Variants in ANKRD30B observed in about 807,000 individuals in gnomAD.
ANKRD30B encodes the protein ankyrin repeat domain-containing protein 30B.
Under a neutral mutation model 202.2 loss-of-function variants are expected in ANKRD30B, and 144 were observed. The ratio of observed to expected loss-of-function variants is 0.71; its 90% CI spans 0.62 to 0.82. ANKRD30B has a LOEUF of 0.82. ANKRD30B is among the 40% of genes least tolerant of loss of function. The pLI is 0.00. For missense variants in ANKRD30B, 1,487 were observed against 1,669.1 expected (o/e 0.89, Z 1.90); for synonymous variants, 508 against 561.3 (o/e 0.91, Z 1.34).
chr18:14,748,377 G>A lies in ANKRD30B; in HGVS notation c.-43G>A, dbSNP rs116697719. Reference sequence around the variant, plus strand: ...GGCGAGGGGTAGGGGCTGGGGAAGGGCGAGCGGGAGGCGCGGGCTCTCTCT... The same window carrying A: ...GGCGAGGGGTAGGGGCTGGGGAAGGACGAGCGGGAGGCGCGGGCTCTCTCT... On this transcript the variant is annotated 5_prime_UTR_variant, in exon 1 of 44. Transcript: ENST00000690538. 3,313 of 1,409,276 alleles carry A rather than the reference G, an allele frequency of 2.4e-3. 59 individuals are homozygous for A. In the African/African-American group the frequency reaches 0.044, roughly 19 times the overall value. The allele number at this position is 1,409,276 out of a possible 1,614,324, so 87.3% of individuals were successfully genotyped here.
chr18:14,919,064 A>G, the ANKRD30B span, among the ~76,000 whole-genome samples: 1 of 152,204 alleles, frequency 6.6e-6, no homozygotes, highest in African/African-American at 2.4e-5. Context: ...CCTTGTGTTT[A>G]TTAGAAATTA....
intron 7 of ANKRD30B, among the ~76,000 whole-genome samples, chr18:14,767,317 T>C (rs1160331848): frequency 6.6e-6 from 1 of 152,196 alleles, no homozygotes; most frequent in Non-Finnish European, 1.5e-5. Flanking sequence ...AAACTGTGAA[T>C]AGTATGAAAC....
chr18:14,878,137 C>G, the ANKRD30B span, among the ~76,000 whole-genome samples: 4 of 152,250 alleles, frequency 2.6e-5, no homozygotes, highest in Non-Finnish European at 4.4e-5. Flanking sequence ...CCGAGATGCT[C>G]GTGTGCTGTG....
chr18:14,795,815 A>C (rs2143960872), intron 16 of ANKRD30B, among the ~76,000 whole-genome samples: 1 of 152,086 alleles, frequency 6.6e-6, no homozygotes, highest in Non-Finnish European at 1.5e-5. Flanking sequence ...GTGTTTCCTT[A>C]ACAATATGCC....
At chr18:14,807,299 T>G (rs1359318461) in intron 24 of ANKRD30B, among the ~76,000 whole-genome samples, 1 of 151,104 alleles carries the variant, frequency 6.6e-6, no homozygotes, top group Non-Finnish European at 1.5e-5. Flanking sequence ...AATGTCTGTT[T>G]TTTTCTTGAA....
rs1224303075 is a variant in ANKRD30B, at chr18:14,769,328, T to G, written c.1226-15T>G. Reference sequence around the variant, plus strand: ...ATTTGTTAATTTAATGTATTTTACTTTTTTTCTTTAATAGTGGATGTGAGT... The same window carrying G: ...ATTTGTTAATTTAATGTATTTTACTGTTTTTCTTTAATAGTGGATGTGAGT... On this transcript the variant is annotated splice_polypyrimidine_tract_variant and intron_variant, in intron 7 of 43. Transcript: ENST00000690538. 5 of 1,531,146 alleles carry G rather than the reference T, an allele frequency of 3.3e-6. No individual in the cohort carries two copies. Among genetic ancestry groups the G allele is most frequent in the Non-Finnish European group, 4.4e-6 (5 of 1,134,418 alleles). 94.8% of individuals were successfully genotyped at this position (1,531,146 alleles called of 1,614,324 possible).
In ANKRD30B at chr18:14,766,472, C is replaced by CAAAA. The variant is rs1168681924; in HGVS notation, c.1225+2404_1225+2407dup. Among the ~76,000 whole-genome samples, 41 of 55,594 alleles carry CAAAA rather than the reference C, an allele frequency of 7.4e-4. 1 individual carries two copies. Among genetic ancestry groups the CAAAA allele is most frequent in the East Asian group, 2.3e-3 (3 of 1,288 alleles). 36.5% of individuals were successfully genotyped at this position (55,594 alleles called of 152,430 possible). On this transcript the variant is annotated intron_variant, in intron 7 of 43. Coordinates refer to ENST00000690538, the MANE Select transcript of ANKRD30B (RefSeq NM_001367607.2). ...TGGGTGACAGAGCGAGACTCCATCT[C>CAAAA]AAAAAAAAAAAAAAAAAAAAAAAAA...
chr18:14,835,279 A>C (rs1971123095), intron 34 of ANKRD30B, among the ~76,000 whole-genome samples: 1 of 151,726 alleles, frequency 6.6e-6, no homozygotes, highest in African/African-American at 2.4e-5. Flanking sequence ...TAATGGTATT[A>C]TATACACACA....
chr18:14,771,245 G>C (rs1047063642), intron 8 of ANKRD30B, among the ~76,000 whole-genome samples: 2 of 152,112 alleles, frequency 1.3e-5, no homozygotes, highest in Non-Finnish European at 2.9e-5. Flanking sequence ...CTGCCATGAA[G>C]CCCTGCAGAA....
chr18:14,872,434 A>G, the ANKRD30B span, among the ~76,000 whole-genome samples: 1 of 152,174 alleles, frequency 6.6e-6, no homozygotes, highest in Admixed American at 6.5e-5. Flanking sequence ...TGCATGCAGC[A>G]CTGGGAAGAG....
At chr18:14,894,553 C>CA in the ANKRD30B span, among the ~76,000 whole-genome samples, 10 of 150,434 alleles carry the variant, frequency 6.6e-5, no homozygotes, top group African/African-American at 2.2e-4. Flanking sequence ...TTTCAAGTTG[C>CA]AAAAAAAAGT....
chr18:14,768,856 G>A (rs556340498), intron 7 of ANKRD30B, among the ~76,000 whole-genome samples: 1 of 152,126 alleles, frequency 6.6e-6, no homozygotes, highest in Non-Finnish European at 1.5e-5. Context: ...CCGTCTTACA[G>A]GATTCTGTTT....
Position 14,852,397 on chromosome 18 carries a change from G to T in ANKRD30B, c.4453G>T (p.Glu1485Ter), listed in dbSNP as rs545325038. Residue 1485 changes from glutamate to a stop codon, truncating the protein, a stop_gained, in exon 42 of 44, where the codon GAA (glutamate) becomes TAA (stop). Coordinates refer to ENST00000690538, the MANE Select transcript of ANKRD30B (RefSeq NM_001367607.2). LOFTEE classifies it high-confidence loss of function. ...NHLKERIDQY[E>*]KEKAEREVIV... ...TTTAAAAGAACGTATAGATCAATAT[G>T]AAAAAGAGAAAGCAGAAAGAGAAGT... 1.3e-6 allele frequency: 2 copies of T among 1,515,174 alleles called. No individual in the cohort carries two copies. The highest frequency in any genetic ancestry group is 1.4e-5 in the African/African-American group (1 of 70,748). The allele number at this position is 1,515,174 out of a possible 1,614,324, so 93.9% of individuals were successfully genotyped here.
At chr18:14,849,982 T>C (rs1307598462) in intron 40 of ANKRD30B, among the ~76,000 whole-genome samples, 2 of 151,666 alleles carry the variant, frequency 1.3e-5, no homozygotes, top group African/African-American at 2.4e-5. Context: ...TCAAAGTTAC[T>C]AGTAACAGAA....
At chr18:14,826,461 A>G (rs773965206) in intron 32 of ANKRD30B, among the ~76,000 whole-genome samples, 6 of 152,160 alleles carry the variant, frequency 3.9e-5, no homozygotes, top group Admixed American at 2.0e-4. Context: ...CTGGAGTCCA[A>G]GAGGAAATCT....
chr18:14,881,760 T>C, the ANKRD30B span, among the ~76,000 whole-genome samples: 1 of 152,016 alleles, frequency 6.6e-6, no homozygotes, highest in African/African-American at 2.4e-5. Flanking sequence ...AATTTTAAAA[T>C]TACCATTTCA....
At chr18:14,769,290 A>G (rs1598591392) in intron 7 of ANKRD30B, 53 bp from the exon 8 acceptor site, 1 of 1,334,840 alleles carries the variant, frequency 7.5e-7, no homozygotes, top group East Asian at 2.6e-5. Context: ...AATACTCTGT[A>G]TTTTCTATTT....
At position 14,837,649 on chromosome 18, in the gene ANKRD30B, A is replaced by C; in HGVS notation, c.2961A>C (p.Glu987Asp). The change falls in exon 36 of 44, where the codon GAA becomes GAC. Residue 987 changes from glutamate to aspartate, a missense_variant. Physicochemically the swap from Glu to Asp is conservative, Grantham distance 45. Around this residue, in one of 6 missense-constraint regions of ANKRD30B, gnomAD observed 218 missense variants for 320.1 expected, o/e 0.68. Coordinates refer to ENST00000690538, the MANE Select transcript of ANKRD30B (RefSeq NM_001367607.2). ...CCACATCAGAATTAGGAAGAAAAGA[A>C]GATACAAAATCAACTTCAGATTCTG... ...KMPTSELGRK[E>D]DTKSTSDSEI... The C allele has an allele frequency of 6.5e-7, 1 of 1,541,042 alleles. No homozygotes were observed. The highest frequency in any genetic ancestry group is 8.7e-7 in the Non-Finnish European group (1 of 1,144,578).
At chr18:14,771,574 T>G (rs1263657202) in intron 8 of ANKRD30B, among the ~76,000 whole-genome samples, 1 of 152,186 alleles carries the variant, frequency 6.6e-6, no homozygotes, top group Non-Finnish European at 1.5e-5. Flanking sequence ...TTTTCAACAT[T>G]TCAAATATTT....
Sources: gnomAD v4.1 joint callset for allele counts (sites outside exome capture counted in the v4.1 genomes callset) on GRCh38, gnomAD v4.1.1 for gene constraint, gnomAD v4.1.1 regional missense constraint, MANE v1.5 for transcripts, NCBI Gene and HGNC (gene_info 2026-07-23, HGNC 2026-07-21) for gene names.